The following BRWD1 variants were observed in gnomAD, a reference collection of about 807,000 sequenced individuals.
BRWD1 encodes the protein bromodomain and WD repeat domain containing 1, also known as bromodomain and WD repeat-containing protein 1.
BRWD1 carries 82 observed loss-of-function variants against 251.2 expected under a neutral mutation model. That is an observed-to-expected ratio of 0.33 (90% CI 0.27 to 0.39). The LOEUF (loss-of-function observed/expected upper bound fraction) is 0.39, where lower values mean the gene tolerates loss of function less well. Among genes scored for constraint, BRWD1 ranks in the 10% least tolerant of loss-of-function variants. The probability of loss-of-function intolerance (pLI) is 1.00; values close to 1 mark genes in which losing one functional copy is unlikely to be tolerated. For synonymous variants in BRWD1, 918 were observed against 902.8 expected (o/e 1.02, Z -0.30); for missense variants, 2,233 against 2,711.6 (o/e 0.82, Z 3.92).
chr21:39,246,016 GAC>G (rs1335462550), intron 21 of BRWD1, among the ~76,000 whole-genome samples: 13 of 152,038 alleles, frequency 8.6e-5, no homozygotes, highest in Admixed American at 6.6e-4. Context: ...CAAAGACTTA[GAC>G]ACAACAGTAA....
intron 21 of BRWD1, 78 bp downstream of exon 21, chr21:39,247,623 G>T (rs1215954859): frequency 1.5e-6 from 2 of 1,373,782 alleles, no homozygotes; most frequent in Admixed American, 2.4e-5. Context: ...ATAAATTTGG[G>T]GTATATTCAT....
intron 15 of BRWD1, among the ~76,000 whole-genome samples, chr21:39,269,251 A>AT (rs1328933573): frequency 0.02 from 2,984 of 148,408 alleles, 61 homozygotes; most frequent in African/African-American, 0.063. Context: ...AAAAAAAAAA[A>AT]TTTTTTTTTT....
At chr21:39,205,790 A>C (rs904140431) in intron 37 of BRWD1, among the ~76,000 whole-genome samples, 2 of 151,474 alleles carry the variant, frequency 1.3e-5, no homozygotes, top group African/African-American at 2.4e-5. Context: ...ATAAAAAATA[A>C]ATAAATAGGC....
rs765716025 is a variant in BRWD1 at position 39,212,711 on chromosome 21, G to A, written c.3859-4C>T. 1 of 1,565,652 alleles carries A rather than the reference G, an allele frequency of 6.4e-7. No individual in the cohort carries two copies. Among genetic ancestry groups the A allele is most frequent in the African/African-American group, 1.4e-5 (1 of 73,492 alleles). On this transcript the variant is annotated splice_polypyrimidine_tract_variant and splice_region_variant and intron_variant, in intron 33 of 40. Coordinates refer to ENST00000342449, the MANE Select transcript of BRWD1 (RefSeq NM_033656.4). ...TTTTAGGAAGATCACTATCATCCTAGGAATAAAATCAGAGCACCTTAAGTA... is the reference window on the plus strand; with the variant it reads ...TTTTAGGAAGATCACTATCATCCTAAGAATAAAATCAGAGCACCTTAAGTA...
intron 7 of BRWD1, among the ~76,000 whole-genome samples, chr21:39,295,112 T>C (rs1033475459): frequency 6.6e-6 from 1 of 151,260 alleles, no homozygotes; most frequent in Non-Finnish European, 1.5e-5. Flanking sequence ...TATATTTAAT[T>C]ACAATGTAAT....
chr21:39,313,983 C>T (rs1285044375), upstream of BRWD1: 2 of 416,148 alleles, frequency 4.8e-6, no homozygotes, highest in South Asian at 1.6e-5. Context: ...GGGCGATTCA[C>T]CGCCGCCCCC....
At chr21:39,316,023 T>G (rs976824310), upstream of BRWD1, among the ~76,000 whole-genome samples, 25 of 152,168 alleles carry the variant, frequency 1.6e-4, no homozygotes, top group African/African-American at 5.8e-4. Context: ...GGGGTGACTT[T>G]GGAGAGGATG....
At chr21:39,266,882 C>A (rs1433725741) in intron 15 of BRWD1, among the ~76,000 whole-genome samples, 1 of 152,162 alleles carries the variant, frequency 6.6e-6, no homozygotes, top group Non-Finnish European at 1.5e-5. Flanking sequence ...GAAATAAGAT[C>A]ATTGTTGCCC....
At chr21:39,256,572 G>C (rs1049272614) in intron 18 of BRWD1, among the ~76,000 whole-genome samples, 4 of 152,188 alleles carry the variant, frequency 2.6e-5, no homozygotes, top group Admixed American at 6.5e-5. Context: ...GTGGGTATAG[G>C]AGGCTGCGCA....
intron 12 of BRWD1, among the ~76,000 whole-genome samples, chr21:39,275,547 G>C (rs549170611): frequency 8.5e-5 from 13 of 152,132 alleles, no homozygotes; most frequent in African/African-American, 2.7e-4. Context: ...AATATACAAA[G>C]TGACAGTTAA....
At chr21:39,223,193 G>T (rs2015326575) in intron 29 of BRWD1, among the ~76,000 whole-genome samples, 1 of 152,130 alleles carries the variant, frequency 6.6e-6, no homozygotes. Context: ...TCCTGATTTT[G>T]ATCACTGCAA....
At chr21:39,282,558 T>C (rs1178021698) in intron 8 of BRWD1, among the ~76,000 whole-genome samples, 3 of 152,192 alleles carry the variant, frequency 2.0e-5, no homozygotes, top group Non-Finnish European at 4.4e-5. Flanking sequence ...TTGCTTTCAC[T>C]TTAAAAAAAA....
At position 39,241,203 on chromosome 21, in the gene BRWD1, C is replaced by T. The variant is rs868754135; in HGVS notation, c.2482-2630G>A. ...TAACAGGGCTGGGCATGGTGGCTCACGCCTGTAATCCCAGCATTTTGGGAG... is the reference window on the plus strand; with the variant it reads ...TAACAGGGCTGGGCATGGTGGCTCATGCCTGTAATCCCAGCATTTTGGGAG... On this transcript the variant is annotated intron_variant, in intron 21 of 40. Transcript: ENST00000342449. Among the ~76,000 whole-genome samples, 4 of 151,764 alleles carry T rather than the reference C, an allele frequency of 2.6e-5. No homozygotes were observed. In the Middle Eastern group the frequency reaches 0.014, roughly 516 times the overall value.
At chr21:39,284,113 T>C (rs2146715582) in intron 8 of BRWD1, among the ~76,000 whole-genome samples, 1 of 152,342 alleles carries the variant, frequency 6.6e-6, no homozygotes, top group East Asian at 1.9e-4. Context: ...CTTTAATATA[T>C]GCTGATCCTC....
intron 4 of BRWD1, chr21:39,312,452 G>C (rs1018619698): frequency 5.7e-6 from 1 of 175,446 alleles, no homozygotes; most frequent in Non-Finnish European, 1.2e-5. Flanking sequence ...ACCCGGGCGG[G>C]GCAAGAGCAG....
At chr21:39,313,127 G>C (rs2036568068) in intron 2 of BRWD1, 26 bp from the exon 3 acceptor site, 5 of 1,497,522 alleles carry the variant, frequency 3.3e-6, no homozygotes, top group Non-Finnish European at 4.4e-6. Flanking sequence ...GCGCGGTCAG[G>C]GGTGGGGTCG....
At position 39,189,845 on chromosome 21, in the gene BRWD1, T is replaced by C. The variant is rs1347914517; in HGVS notation, c.*6414A>G. On this transcript the variant is annotated 3_prime_UTR_variant, in exon 41 of 41. Transcript: ENST00000342449. ...TGTTAGGGTACAAGCTTAAGAACTCTGGATGTTGCTGCTCTAACAATGCAT... is the reference window on the plus strand; with the variant it reads ...TGTTAGGGTACAAGCTTAAGAACTCCGGATGTTGCTGCTCTAACAATGCAT... 2.0e-6 allele frequency: 2 copies of C among 985,280 alleles called. No individual in the cohort carries two copies. The highest frequency in any genetic ancestry group is 1.7e-5 in the African/African-American group (1 of 57,232). 61.0% of individuals were successfully genotyped at this position (985,280 alleles called of 1,614,324 possible). A position where few individuals can be genotyped will look rare whatever the true frequency, so the allele number is the denominator to read the frequency against.
chr21:39,235,446 A>T (rs1352511592), intron 23 of BRWD1: 1 of 154,890 alleles, frequency 6.5e-6, no homozygotes, highest in Non-Finnish European at 1.5e-5. Context: ...TATCATAGTG[A>T]ACCCTACAGT....
intron 7 of BRWD1, among the ~76,000 whole-genome samples, chr21:39,294,357 A>G (rs116123116): frequency 4.1e-4 from 63 of 152,294 alleles, no homozygotes; most frequent in African/African-American, 1.5e-3. Flanking sequence ...TCAACTAACA[A>G]TGGTTAAATG....
Sources: gnomAD v4.1 joint callset for allele counts (sites outside exome capture counted in the v4.1 genomes callset) on GRCh38, gnomAD v4.1.1 for gene constraint, MANE v1.5 for transcripts, NCBI Gene and HGNC (gene_info 2026-07-23, HGNC 2026-07-21) for gene names.